GRAMD1B: variants seen among roughly 807,000 people sequenced by gnomAD.
The protein encoded by GRAMD1B is GRAM domain containing 1B, also known as protein Aster-B.
GRAMD1B carries 37 observed loss-of-function variants against 99.7 expected under a neutral mutation model. The observed-to-expected ratio is 0.37, with a 90% CI of 0.29 to 0.49. GRAMD1B has a LOEUF of 0.49. GRAMD1B is among the 20% of genes least tolerant of loss of function. The pLI, the probability that GRAMD1B is intolerant of heterozygous loss-of-function variation, is 0.98. For synonymous variants in GRAMD1B, 427 were observed against 387.6 expected, an observed-to-expected ratio of 1.10 and a Z score of -1.19; for missense variants, 888 against 1,009.2, an observed-to-expected ratio of 0.88 and a Z score of 1.63.
At chr11:123,435,619 G>T in intron 1 of GRAMD1B, 1 of 581,724 alleles carries the variant, frequency 1.7e-6, no homozygotes, top group Non-Finnish European at 3.1e-6. Flanking sequence ...TATCGTCACA[G>T]CACTGTACCT....
intron 1 of GRAMD1B, among the ~76,000 whole-genome samples, chr11:123,410,605 G>A (rs1948011725): frequency 6.6e-6 from 1 of 152,122 alleles, no homozygotes; most frequent in African/African-American, 2.4e-5. Context: ...AGTAGCACCT[G>A]CAGACCACAT....
rs1183619730 is a variant in GRAMD1B, at chr11:123,510,849, A to G, written c.452+29956A>G. 6.6e-6 allele frequency among the ~76,000 whole-genome samples: 1 copy of G among 152,096 alleles called. No homozygotes were observed. The highest frequency in any genetic ancestry group is 1.5e-5 in the Non-Finnish European group (1 of 68,008). On this transcript the variant is annotated intron_variant, in intron 2 of 19. Transcript: ENST00000635736. This position sits in a 1 kb window ranked among gnomAD's most constrained non-coding sequence, Gnocchi z 4.3. ...CAGAGTGGAGGGAAATGTTGTGAGC[A>G]CCAAGACCTCAGGAGAGGCGAGGAG...
intron 1 of GRAMD1B, among the ~76,000 whole-genome samples, chr11:123,435,258 T>A (rs2846054): frequency 1.3e-5 from 2 of 152,020 alleles, no homozygotes; most frequent in African/African-American, 2.4e-5. Flanking sequence ...CCAAATCTCC[T>A]GCTCCAAAAG....
chr11:123,619,545 G>T, intron 19 of GRAMD1B: 16 of 1,190,620 alleles, frequency 1.3e-5, no homozygotes, highest in African/African-American at 1.6e-5. Context: ...TTTAAACAGA[G>T]AACCCCCTCA....
chr11:123,564,529 G>A (rs1947139878), intron 2 of GRAMD1B, among the ~76,000 whole-genome samples: 2 of 152,210 alleles, frequency 1.3e-5, no homozygotes, highest in South Asian at 2.1e-4. Context: ...TTCCTGACCT[G>A]TCTCCCTTGA....
chr11:123,572,595 G>A (rs1011881200), intron 2 of GRAMD1B, among the ~76,000 whole-genome samples: 4 of 152,204 alleles, frequency 2.6e-5, no homozygotes, highest in Admixed American at 2.0e-4. Context: ...CAGAGTGGAG[G>A]TAGAGCACCG....
At position 123,391,139 on chromosome 11, in the gene GRAMD1B, T is replaced by A. The variant is rs1470454170; in HGVS notation, c.-176+32340T>A. ...CTTTTTTCACATTAGCTATTTCAGA[T>A]CTCCACTTTCCTCAAGCCCATAATC... On this transcript the variant is annotated intron_variant, in intron 1 of 20. Coordinates refer to the GRAMD1B transcript ENST00000638157. 2.6e-5 allele frequency among the ~76,000 whole-genome samples: 4 copies of A among 152,268 alleles called. No homozygotes were observed. In the South Asian group the frequency reaches 8.3e-4, roughly 32 times the overall value.
chr11:123,389,805 G>T (rs1425516738), intron 1 of GRAMD1B, among the ~76,000 whole-genome samples: 1 of 152,114 alleles, frequency 6.6e-6, no homozygotes, highest in Non-Finnish European at 1.5e-5. Flanking sequence ...GAGTGCAGTG[G>T]TACAATCTGG....
intron 2 of GRAMD1B, among the ~76,000 whole-genome samples, chr11:123,535,377 G>A (rs1943860404): frequency 6.6e-6 from 1 of 151,946 alleles, no homozygotes. Flanking sequence ...ATAATAAATG[G>A]CAGAACTGGG....
intron 19 of GRAMD1B, among the ~76,000 whole-genome samples, chr11:123,620,676 G>A (rs1955017390): frequency 6.6e-6 from 1 of 152,076 alleles, no homozygotes; most frequent in African/African-American, 2.4e-5. Flanking sequence ...CAGGAGAAGG[G>A]AACACGAGGG....
chr11:123,495,330 A>T (rs972177805), intron 2 of GRAMD1B, among the ~76,000 whole-genome samples: 6 of 152,238 alleles, frequency 3.9e-5, no homozygotes, highest in Non-Finnish European at 1.5e-5. Flanking sequence ...TATGGGTTAC[A>T]TGAGACACTT....
At chr11:123,370,603 G>C (rs1946494800) in intron 1 of GRAMD1B, among the ~76,000 whole-genome samples, 1 of 152,060 alleles carries the variant, frequency 6.6e-6, no homozygotes, top group Admixed American at 6.5e-5. Context: ...GCCTCCGAAA[G>C]TGCTGGGATT....
chr11:123,395,168 G>A (rs763724476), intron 1 of GRAMD1B, among the ~76,000 whole-genome samples: 4 of 152,082 alleles, frequency 2.6e-5, no homozygotes, highest in Non-Finnish European at 5.9e-5. Flanking sequence ...AATGTTTTGG[G>A]TTCTTAATAA....
intron 2 of GRAMD1B, among the ~76,000 whole-genome samples, chr11:123,515,324 G>A (rs1423753540): frequency 6.6e-6 from 1 of 152,304 alleles, no homozygotes; most frequent in East Asian, 1.9e-4. Context: ...TGTGTCTGAG[G>A]TTAGGGAGTG....
At chr11:123,395,144 A>G (rs941799837) in intron 1 of GRAMD1B, among the ~76,000 whole-genome samples, 2 of 152,204 alleles carry the variant, frequency 1.3e-5, no homozygotes, top group Admixed American at 1.3e-4. Flanking sequence ...CAGGATCTCA[A>G]TGAATGTTGC....
At chr11:123,517,854 C>T (rs1298639385) in intron 2 of GRAMD1B, among the ~76,000 whole-genome samples, 1 of 151,940 alleles carries the variant, frequency 6.6e-6, no homozygotes, top group African/African-American at 2.4e-5. Context: ...AGCAGAAATC[C>T]CCATTTGGTG....
chr11:123,408,114 T>C (rs61904741), intron 1 of GRAMD1B, among the ~76,000 whole-genome samples: 8 of 152,144 alleles, frequency 5.3e-5, no homozygotes, highest in Non-Finnish European at 8.8e-5. Context: ...AGTGTGGGGC[T>C]GACTGTGTAG....
chr11:123,396,620 A>C (rs1171786468), intron 1 of GRAMD1B, among the ~76,000 whole-genome samples: 1 of 152,160 alleles, frequency 6.6e-6, no homozygotes, highest in Non-Finnish European at 1.5e-5. Flanking sequence ...GTGCTGTGCC[A>C]TGTGTCCCAC....
rs1953893932 is a variant in GRAMD1B at position 123,613,501 on chromosome 11, C to A, written c.2070C>A (p.His690Gln). The A allele has an allele frequency of 6.2e-7, 1 of 1,613,084 alleles. No homozygotes were observed. Among genetic ancestry groups the A allele is most frequent in the African/African-American group, 1.3e-5 (1 of 74,906 alleles). ...AGAGCACTTATTTGGCTGAGATGCA[C>A]AGACAATCTCCCAAAGAGAAGGCCA... is the stretch of plus-strand genomic sequence containing the variant. ...KTESTYLAEM[H>Q]RQSPKEKASK... Residue 690 changes from histidine to glutamine, a missense_variant, in exon 16 of 20, where the codon CAC becomes CAA. This residue lies in a region of GRAMD1B where 232 missense variants were observed against 261.7 expected (regional missense o/e 0.89). Coordinates refer to ENST00000635736, the MANE Select transcript of GRAMD1B (RefSeq NM_001387025.1).
Sources: gnomAD v4.1 joint callset for allele counts (sites outside exome capture counted in the v4.1 genomes callset) on GRCh38, gnomAD v4.1.1 for gene constraint, gnomAD v4.1.1 regional missense constraint, Gnocchi (gnomAD v3.1) non-coding constraint, MANE v1.5 for transcripts, NCBI Gene and HGNC (gene_info 2026-07-23, HGNC 2026-07-21) for gene names.